The following MARCHF1 variants were observed in gnomAD, a reference collection of about 807,000 sequenced individuals.
MARCHF1 encodes the protein membrane associated ring-CH-type finger 1, also known as E3 ubiquitin-protein ligase MARCHF1.
Under a neutral mutation model 54.2 loss-of-function variants are expected in MARCHF1, and 40 were observed. The ratio of observed to expected loss-of-function variants is 0.74; its 90% CI spans 0.57 to 0.96. The LOEUF is 0.96. Among genes scored for constraint, MARCHF1 ranks in the 40% least tolerant of loss-of-function variants. The pLI, the probability that MARCHF1 is intolerant of heterozygous loss-of-function variation, is 0.00. For missense variants in MARCHF1, 586 were observed against 656.5 expected (o/e 0.89, Z 1.17); for synonymous variants, 236 against 236.3 (o/e 1.00, Z 0.01).
chr4:164,147,251 G>T (rs1468417609), intron 1 of MARCHF1, among the ~76,000 whole-genome samples: 1 of 148,228 alleles, frequency 6.7e-6, no homozygotes, highest in African/African-American at 2.5e-5. Flanking sequence ...CAACCATTGT[G>T]GAAGTCAGTG....
In MARCHF1 at chr4:163,733,211, A is replaced by ACGTG. The variant is rs1204148846; in HGVS notation, c.112-32349_112-32348insCACG. Among the ~76,000 whole-genome samples the ACGTG allele has an allele frequency of 7.1e-4, 30 of 42,174 alleles. 2 individuals carry two copies. The highest frequency in any genetic ancestry group is 6.0e-3 in the South Asian group (5 of 840). 27.7% of individuals were successfully genotyped at this position (42,174 alleles called of 152,430 possible). A position where few individuals can be genotyped will look rare whatever the true frequency, so the allele number is the denominator to read the frequency against. On this transcript the variant is annotated intron_variant, in intron 4 of 9. Transcript: ENST00000514618. ...TATATATATATATATATATATATAT[A>ACGTG]TATATATATACACGTGTATATATAT...
intron 2 of MARCHF1, among the ~76,000 whole-genome samples, chr4:164,017,970 TAAATA>T (rs892408901): frequency 3.3e-5 from 5 of 151,846 alleles, no homozygotes; most frequent in Admixed American, 3.3e-4. Flanking sequence ...TCAAGAGAAA[TAAATA>T]AAAAGTTTTG....
intron 9 of MARCHF1, among the ~76,000 whole-genome samples, chr4:163,544,789 C>G (rs576746344): frequency 6.6e-6 from 1 of 152,172 alleles, no homozygotes; most frequent in African/African-American, 2.4e-5. Flanking sequence ...ATTACAAACT[C>G]AAAATGTTAC....
At chr4:164,039,975 A>G (rs1754089255) in intron 2 of MARCHF1, among the ~76,000 whole-genome samples, 1 of 147,588 alleles carries the variant, frequency 6.8e-6, no homozygotes, top group South Asian at 2.1e-4. Flanking sequence ...AATTATATAT[A>G]TATATATATA....
chr4:163,904,643 G>T (rs150966002), intron 3 of MARCHF1, among the ~76,000 whole-genome samples: 5 of 152,136 alleles, frequency 3.3e-5, no homozygotes, highest in African/African-American at 7.2e-5. Flanking sequence ...CAAGTAGCAA[G>T]CCTCTATTCT....
intron 5 of MARCHF1, among the ~76,000 whole-genome samples, chr4:163,677,748 T>A (rs1162042577): frequency 6.6e-6 from 1 of 152,240 alleles, no homozygotes; most frequent in African/African-American, 2.4e-5. Context: ...TACGACTTTC[T>A]ACCTCTCGCA....
At chr4:163,546,313 AT>A (rs1738904759) in intron 8 of MARCHF1, among the ~76,000 whole-genome samples, 1 of 152,136 alleles carries the variant, frequency 6.6e-6, no homozygotes, top group Admixed American at 6.5e-5. Context: ...AACAAAAATA[AT>A]TTTCTATTCT....
At chr4:163,673,343 T>C (rs78751090) in intron 5 of MARCHF1, among the ~76,000 whole-genome samples, 2,568 of 152,338 alleles carry the variant, frequency 0.017, 46 homozygotes, top group South Asian at 0.052. Context: ...TTAATGCAGA[T>C]GCATTTTAAT....
In MARCHF1 at chr4:163,992,448, A is replaced by G. The variant is rs180905503; in HGVS notation, c.-247-3739T>C. Among the ~76,000 whole-genome samples the G allele has an allele frequency of 2.1e-3, 325 of 152,228 alleles. 1 individual carries two copies. The highest frequency in any genetic ancestry group is 7.4e-3 in the African/African-American group (307 of 41,576). On this transcript the variant is annotated intron_variant, in intron 2 of 9. Coordinates refer to ENST00000514618, the MANE Select transcript of MARCHF1 (RefSeq NM_001394959.1). ...AATATCAAAGAAGCTTTGAGCAACAATAAATAATATTAGATCTAAATACAT... is the reference window on the plus strand; with the variant it reads ...AATATCAAAGAAGCTTTGAGCAACAGTAAATAATATTAGATCTAAATACAT...
At chr4:163,787,357 T>C (rs1157595343) in intron 4 of MARCHF1, among the ~76,000 whole-genome samples, 1 of 151,526 alleles carries the variant, frequency 6.6e-6, no homozygotes, top group Non-Finnish European at 1.5e-5. Context: ...CCAAAATATA[T>C]GAAGAACCTC....
intron 3 of MARCHF1, among the ~76,000 whole-genome samples, chr4:163,967,703 T>C (rs1333275863): frequency 1.3e-5 from 2 of 152,174 alleles, no homozygotes; most frequent in Non-Finnish European, 2.9e-5. Context: ...TATCTATTGA[T>C]ATGTACATAA....
chr4:163,548,700 T>C (rs1404374592), intron 8 of MARCHF1, among the ~76,000 whole-genome samples: 1 of 152,240 alleles, frequency 6.6e-6, no homozygotes, highest in Non-Finnish European at 1.5e-5. Flanking sequence ...ACTACATTAC[T>C]GCATGCAATA....
intron 9 of MARCHF1, among the ~76,000 whole-genome samples, chr4:163,543,703 T>G (rs1053493927): frequency 2.0e-5 from 3 of 152,142 alleles, no homozygotes; most frequent in African/African-American, 2.4e-5. Context: ...GGTAAATGAT[T>G]GCTATTCAGT....
chr4:164,111,618 G>C lies in MARCHF1; in HGVS notation c.-278C>G, dbSNP rs763679246. 8 of 151,642 alleles carry C rather than the reference G, an allele frequency of 5.3e-5. No individual in the cohort carries two copies. Among genetic ancestry groups the C allele is most frequent in the Non-Finnish European group, 7.4e-5 (5 of 67,688 alleles). The allele number at this position is 151,642 out of a possible 1,614,324, so 9.4% of individuals were successfully genotyped here. A position where few individuals can be genotyped will look rare whatever the true frequency, so the allele number is the denominator to read the frequency against. ...ACAGCAGTCTTGTTTAATCACAGCA[G>C]GACAGTTGAGTATATTCTCTCAGAG... On this transcript the variant is annotated 5_prime_UTR_variant, in exon 2 of 10. Coordinates refer to ENST00000514618, the MANE Select transcript of MARCHF1 (RefSeq NM_001394959.1).
intron 1 of MARCHF1, among the ~76,000 whole-genome samples, chr4:164,213,320 G>C (rs1288872852): frequency 6.6e-6 from 1 of 151,302 alleles, no homozygotes; most frequent in African/African-American, 2.4e-5. Context: ...TGAAAGCTCC[G>C]CCTCCCAGGT....
At chr4:164,009,472 G>A (rs1753371513) in intron 2 of MARCHF1, among the ~76,000 whole-genome samples, 1 of 152,008 alleles carries the variant, frequency 6.6e-6, no homozygotes, top group Non-Finnish European at 1.5e-5. Context: ...GACACCAAAA[G>A]CAGATGAAGA....
chr4:164,009,374 A>G (rs1263495192), intron 2 of MARCHF1, among the ~76,000 whole-genome samples: 1 of 152,184 alleles, frequency 6.6e-6, no homozygotes, highest in Non-Finnish European at 1.5e-5. Context: ...AGCATTTAAA[A>G]AAGTAATGCA....
intron 4 of MARCHF1, among the ~76,000 whole-genome samples, chr4:163,733,007 C>T (rs970431201): frequency 1.3e-5 from 2 of 150,224 alleles, no homozygotes; most frequent in African/African-American, 4.9e-5. Flanking sequence ...TAAAAATTAG[C>T]CAGGCATGGT....
chr4:163,713,534 T>A (rs1745169453), intron 4 of MARCHF1, among the ~76,000 whole-genome samples: 1 of 152,216 alleles, frequency 6.6e-6, no homozygotes, highest in Non-Finnish European at 1.5e-5. Context: ...CATAATGTGC[T>A]ACACAAATGG....
Sources: gnomAD v4.1 joint callset for allele counts (sites outside exome capture counted in the v4.1 genomes callset) on GRCh38, gnomAD v4.1.1 for gene constraint, MANE v1.5 for transcripts, NCBI Gene and HGNC (gene_info 2026-07-23, HGNC 2026-07-21) for gene names.